The following RBFOX1 variants were observed in gnomAD, a reference collection of about 807,000 sequenced individuals.
RBFOX1 encodes the protein RNA binding protein fox-1 homolog 1.
A neutral mutation model predicts 57.7 loss-of-function variants in RBFOX1; 8 were observed. The ratio of observed to expected loss-of-function variants is 0.14; its 90% CI spans 0.08 to 0.25. RBFOX1 has a LOEUF of 0.25. RBFOX1 is among the 10% of genes least tolerant of loss of function. RBFOX1 has a pLI of 1.00. For missense variants in RBFOX1, 611 were observed against 548.5 expected (o/e 1.11, Z -1.14); for synonymous variants, 326 against 222.4 (o/e 1.47, Z -4.15).
chr16:6,820,455 G>A (rs954327098), intron 3 of RBFOX1, among the ~76,000 whole-genome samples: 8 of 152,072 alleles, frequency 5.3e-5, no homozygotes, highest in African/African-American at 1.7e-4. Context: ...CCAGGAGTTC[G>A]ACACCAGCAT....
chr16:5,754,551 C>T (rs987804966), intron 3 of RBFOX1, among the ~76,000 whole-genome samples: 3 of 132,988 alleles, frequency 2.3e-5, no homozygotes, highest in African/African-American at 8.8e-5. Flanking sequence ...TCTGAGTTCC[C>T]TTAGTATTTA....
At chr16:6,559,440 C>A (rs1363373241) in intron 2 of RBFOX1, among the ~76,000 whole-genome samples, 1 of 151,974 alleles carries the variant, frequency 6.6e-6, no homozygotes, top group Non-Finnish European at 1.5e-5. Flanking sequence ...CATCTCAGCA[C>A]CATCTTCTCT....
At chr16:6,931,118 A>T (rs1230019738) in intron 3 of RBFOX1, among the ~76,000 whole-genome samples, 1 of 152,148 alleles carries the variant, frequency 6.6e-6, no homozygotes, top group East Asian at 1.9e-4. Flanking sequence ...GATTTATATT[A>T]TAAAGGTTGT....
intron 1 of RBFOX1, among the ~76,000 whole-genome samples, chr16:5,431,716 C>G (rs757969880): frequency 2.6e-5 from 4 of 152,132 alleles, no homozygotes; most frequent in Non-Finnish European, 4.4e-5. Flanking sequence ...GATTGTCTTG[C>G]GGGACTACCC....
intron 2 of RBFOX1, chr16:5,598,797 G>A (rs1596387786): frequency 1.2e-6 from 1 of 832,188 alleles, no homozygotes; most frequent in Non-Finnish European, 1.8e-6. Flanking sequence ...GGCTAAACGT[G>A]GTGAGACATT....
intron 4 of RBFOX1, among the ~76,000 whole-genome samples, chr16:5,908,639 C>T (rs1385335869): frequency 1.3e-5 from 2 of 152,068 alleles, no homozygotes; most frequent in Non-Finnish European, 2.9e-5. Context: ...TTATTAATTA[C>T]TATATGATCC....
intron 3 of RBFOX1, among the ~76,000 whole-genome samples, chr16:6,785,176 T>C (rs574552997): frequency 6.6e-6 from 1 of 152,292 alleles, no homozygotes; most frequent in East Asian, 1.9e-4. Context: ...CTACGAGATC[T>C]GGTCTGCTCT....
chr16:7,360,080 A>G (rs1383272231), intron 4 of RBFOX1, among the ~76,000 whole-genome samples: 2 of 152,176 alleles, frequency 1.3e-5, no homozygotes, highest in Non-Finnish European at 2.9e-5. Flanking sequence ...AACAACTTAA[A>G]TATTCCCTCC....
chr16:6,680,274 CTTT>C (rs1180378585), intron 3 of RBFOX1, among the ~76,000 whole-genome samples: 8 of 88,932 alleles, frequency 9.0e-5, no homozygotes, highest in African/African-American at 1.6e-4. Context: ...TTCTCTCTCT[CTTT>C]TTTTTTTTTT....
intron 4 of RBFOX1, among the ~76,000 whole-genome samples, chr16:7,381,506 CTT>C (rs1194917348): frequency 6.8e-6 from 1 of 148,092 alleles, no homozygotes; most frequent in African/African-American, 2.5e-5. Flanking sequence ...TCCCCCCCGC[CTT>C]TTTTTTTTAT....
chr16:7,149,974 G>A (rs1019784561), intron 4 of RBFOX1, among the ~76,000 whole-genome samples: 8 of 152,158 alleles, frequency 5.3e-5, no homozygotes, highest in Middle Eastern at 3.4e-3. Flanking sequence ...AGACTTTTAT[G>A]TATGGTATTT....
chr16:7,509,263 C>T (rs1241556863), intron 4 of RBFOX1, among the ~76,000 whole-genome samples: 1 of 152,148 alleles, frequency 6.6e-6, no homozygotes, highest in Non-Finnish European at 1.5e-5. Flanking sequence ...TTTTTTGTTT[C>T]TTGAAGTCTG....
At chr16:7,317,601 A>C (rs2096467803) in intron 4 of RBFOX1, among the ~76,000 whole-genome samples, 1 of 152,128 alleles carries the variant, frequency 6.6e-6, no homozygotes, top group Non-Finnish European at 1.5e-5. Flanking sequence ...TCCCACTTCT[A>C]ATATGGTGGG....
At chr16:5,291,943 T>C (rs1274315671) in intron 1 of RBFOX1, among the ~76,000 whole-genome samples, 1 of 151,802 alleles carries the variant, frequency 6.6e-6, no homozygotes, top group African/African-American at 2.4e-5. Flanking sequence ...TGAAGAGGAA[T>C]GTTTGTGTTG....
intron 1 of RBFOX1, among the ~76,000 whole-genome samples, chr16:6,182,182 A>G (rs915646742): frequency 2.0e-5 from 3 of 152,134 alleles, no homozygotes; most frequent in African/African-American, 7.2e-5. Context: ...GGGAAAGAAA[A>G]TTGGGATGCA....
intron 4 of RBFOX1, among the ~76,000 whole-genome samples, chr16:7,105,903 G>C (rs2063503177): frequency 6.6e-6 from 1 of 152,058 alleles, no homozygotes; most frequent in South Asian, 2.1e-4. Flanking sequence ...ACTCAGGAGA[G>C]GTATACGTAG....
chr16:6,081,253 C>A (rs17139330), intron 1 of RBFOX1, among the ~76,000 whole-genome samples: 3,044 of 152,236 alleles, frequency 0.02, 120 homozygotes, highest in African/African-American at 0.068. Context: ...TTAAAAGCGC[C>A]TACCCCTTTC....
intron 1 of RBFOX1, among the ~76,000 whole-genome samples, chr16:6,068,838 C>T (rs2095799787): frequency 6.6e-6 from 1 of 152,004 alleles, no homozygotes; most frequent in South Asian, 2.1e-4. Flanking sequence ...CTCCCTGTAC[C>T]CGGTTACAGG....
At chr16:6,437,229 G>A (rs1462067680) in intron 2 of RBFOX1, among the ~76,000 whole-genome samples, 2 of 152,142 alleles carry the variant, frequency 1.3e-5, no homozygotes, top group South Asian at 2.1e-4. Context: ...CCACAGCATC[G>A]TTGCTCACAT....
Sources: allele counts gnomAD v4.1 joint callset (sites outside exome capture counted in the v4.1 genomes callset), GRCh38; gene constraint gnomAD v4.1.1; transcripts MANE v1.5; gene names NCBI Gene and HGNC (gene_info 2026-07-23, HGNC 2026-07-21).